The following PRSS23 variants were observed in gnomAD, a reference collection of about 807,000 sequenced individuals.
The protein encoded by PRSS23 is protease, serine 23.
PRSS23 carries 25 observed loss-of-function variants against 34.7 expected under a neutral mutation model. The observed-to-expected ratio is 0.72, with a 90% confidence interval of 0.53 to 1.01. The LOEUF (loss-of-function observed/expected upper bound fraction) is 1.01. Among genes scored for constraint, PRSS23 ranks in the 50% least tolerant of loss-of-function variants. The pLI is 0.00. For synonymous variants in PRSS23, 176 were observed against 186.6 expected (o/e 0.94, Z 0.46); for missense variants, 445 against 475.6 (o/e 0.94, Z 0.60).
chr11:86,908,176 G>C (rs1042562565), intron 2 of PRSS23, among the ~76,000 whole-genome samples: 4 of 152,190 alleles, frequency 2.6e-5, no homozygotes, highest in African/African-American at 9.7e-5. Context: ...GAACATGGGA[G>C]TGCAAGATCC....
At position 86,931,188 on chromosome 11, in the gene PRSS23, A is replaced by G. The variant is rs117435378; in HGVS notation, c.207-20028A>G. ...GGAAAACTGTCTGGCAGTTTCTTAT[A>G]AAGTTAAACATACATCTACCCTATG... is the stretch of plus-strand genomic sequence containing the variant. On this transcript the variant is annotated intron_variant, in intron 2 of 2. Transcript: ENST00000533902. Among the ~76,000 whole-genome samples the G allele has an allele frequency of 4.8e-3, 736 of 152,360 alleles. 8 individuals are homozygous for G. The highest frequency in any genetic ancestry group is 0.01 in the Middle Eastern group (3 of 294).
chr11:86,907,105 A>G (rs1042862799), intron 2 of PRSS23, among the ~76,000 whole-genome samples: 2 of 152,224 alleles, frequency 1.3e-5, no homozygotes, highest in African/African-American at 4.8e-5. Flanking sequence ...AACTGGGCCC[A>G]ATTAATGATT....
exon 2 of PRSS23, chr11:86,823,578 C>G (rs1363707571): frequency 5.7e-6 from 4 of 702,482 alleles, no homozygotes; most frequent in Non-Finnish European, 1.0e-5. Flanking sequence ...ATGGAGTTCA[C>G]AGAAGAGTCG....
intron 2 of PRSS23, chr11:86,933,471 T>G (rs938728569): frequency 2.0e-5 from 3 of 152,118 alleles, no homozygotes; most frequent in Non-Finnish European, 4.4e-5. Context: ...GGCGTGGGAA[T>G]AGGGTAAGAG....
chr11:86,797,628 A>T (rs974883066), upstream of PRSS23, among the ~76,000 whole-genome samples: 4 of 152,110 alleles, frequency 2.6e-5, no homozygotes, highest in Admixed American at 2.6e-4. Flanking sequence ...GTTCTCCATG[A>T]CTCTAACTTG....
chr11:86,862,520 G>A (rs960552298), intron 2 of PRSS23, among the ~76,000 whole-genome samples: 4 of 151,898 alleles, frequency 2.6e-5, no homozygotes, highest in Admixed American at 1.3e-4. Context: ...AATATCCTAA[G>A]AGTATGTTAT....
At chr11:86,822,477 T>C (rs963937107) in intron 1 of PRSS23, among the ~76,000 whole-genome samples, 10 of 151,934 alleles carry the variant, frequency 6.6e-5, no homozygotes, top group Non-Finnish European at 1.3e-4. Flanking sequence ...AAAAATTAGC[T>C]GGGTGCAGTG....
At chr11:86,795,870 G>T (rs1412074852), upstream of PRSS23, among the ~76,000 whole-genome samples, 1 of 152,152 alleles carries the variant, frequency 6.6e-6, no homozygotes, top group Non-Finnish European at 1.5e-5. Flanking sequence ...AATCCTTTTT[G>T]ATAACTTTCA....
intron 2 of PRSS23, among the ~76,000 whole-genome samples, chr11:86,881,545 T>C (rs1948772262): frequency 6.6e-6 from 1 of 152,228 alleles, no homozygotes; most frequent in Non-Finnish European, 1.5e-5. Flanking sequence ...TAAGAGATAC[T>C]GCTCTATCAT....
intron 2 of PRSS23, among the ~76,000 whole-genome samples, chr11:86,836,314 G>A (rs1948405205): frequency 6.6e-6 from 1 of 152,114 alleles, no homozygotes; most frequent in South Asian, 2.1e-4. Flanking sequence ...TCCTTGTTGG[G>A]CCTTGGGGTC....
chr11:86,842,232 G>A (rs917137190), intron 2 of PRSS23, among the ~76,000 whole-genome samples: 1 of 152,060 alleles, frequency 6.6e-6, no homozygotes, highest in African/African-American at 2.4e-5. Flanking sequence ...AAATTCAACA[G>A]ACCTTCATGC....
chr11:86,908,582 A>C (rs936858982), intron 2 of PRSS23, among the ~76,000 whole-genome samples: 1 of 152,224 alleles, frequency 6.6e-6, no homozygotes, highest in African/African-American at 2.4e-5. Context: ...TGGATAAATG[A>C]TGCTAGTTCA....
At chr11:86,944,032 C>T (rs759818533) in intron 2 of PRSS23, among the ~76,000 whole-genome samples, 17 of 152,174 alleles carry the variant, frequency 1.1e-4, no homozygotes, top group African/African-American at 3.4e-4. Context: ...TGAGCCACTG[C>T]GCCTCGCCCA....
At chr11:86,867,057 A>G (rs2134941616) in intron 2 of PRSS23, among the ~76,000 whole-genome samples, 1 of 152,326 alleles carries the variant, frequency 6.6e-6, no homozygotes, top group Non-Finnish European at 1.5e-5. Flanking sequence ...CTAGAGAAAG[A>G]GACTCAGTAC....
At chr11:86,846,530 C>T (rs1948487522) in intron 2 of PRSS23, among the ~76,000 whole-genome samples, 1 of 152,136 alleles carries the variant, frequency 6.6e-6, no homozygotes, top group Admixed American at 6.5e-5. Flanking sequence ...CTGAAGTACA[C>T]CTGGGAGTGC....
chr11:86,885,083 A>G (rs772464499), intron 2 of PRSS23, among the ~76,000 whole-genome samples: 7 of 152,210 alleles, frequency 4.6e-5, no homozygotes, highest in African/African-American at 1.4e-4. Context: ...ATTTATCTCT[A>G]CATTTCCAGT....
At chr11:86,913,578 T>C (rs1015422442) in intron 2 of PRSS23, among the ~76,000 whole-genome samples, 1 of 151,538 alleles carries the variant, frequency 6.6e-6, no homozygotes, top group African/African-American at 2.4e-5. Context: ...TCAGGATATA[T>C]AGCAGCCACC....
chr11:86,890,468 A>G (rs918381458), intron 2 of PRSS23, among the ~76,000 whole-genome samples: 1 of 152,334 alleles, frequency 6.6e-6, no homozygotes, highest in Admixed American at 6.5e-5. Context: ...CATGTAGGGT[A>G]AATGCACCTG....
Position 86,924,090 on chromosome 11 carries a change from G to T in PRSS23, c.207-27126G>T, listed in dbSNP as rs1231570909. 4.6e-5 allele frequency among the ~76,000 whole-genome samples: 7 copies of T among 152,198 alleles called. 1 individual carries two copies. Among genetic ancestry groups the T allele is most frequent in the Non-Finnish European group, 1.5e-5 (1 of 68,044 alleles). On this transcript the variant is annotated intron_variant, in intron 2 of 2. Transcript: ENST00000533902. The stretch of plus-strand genomic sequence containing the variant: ...TGTAGGGAGGCTTCTAAGGAGGTAA[G>T]ATCGAGAGCCGGAAAACAGGGGCTG...
Sources: allele counts gnomAD v4.1 joint callset (sites outside exome capture counted in the v4.1 genomes callset), GRCh38; gene constraint gnomAD v4.1.1; transcripts MANE v1.5; gene names NCBI Gene and HGNC (gene_info 2026-07-23, HGNC 2026-07-21).